BID: variants seen among roughly 807,000 people sequenced by gnomAD.
BID encodes BH3-interacting domain death agonist.
A neutral mutation model predicts 17.4 loss-of-function variants in BID; 19 were observed. That is an observed-to-expected ratio of 1.09 (90% CI 0.76 to 1.60). The LOEUF is 1.60. BID is among the 40% of genes most tolerant of loss of function. The pLI, the probability that BID is intolerant of heterozygous loss-of-function variation, is 0.00. For missense variants in BID, 226 were observed against 256.0 expected (o/e 0.88, Z 0.80); for synonymous variants, 108 against 102.8 (o/e 1.05, Z -0.31).
chr22:17,766,593 G>T (rs1225687507), intron 1 of BID, among the ~76,000 whole-genome samples: 2 of 138,438 alleles, frequency 1.4e-5, no homozygotes, highest in East Asian at 4.5e-4. Context: ...TTTTTTGTTT[G>T]TCTGTTTGTT....
intron 1 of BID, among the ~76,000 whole-genome samples, chr22:17,755,656 C>G (rs1003725280): frequency 3.1e-4 from 47 of 151,910 alleles, no homozygotes; most frequent in African/African-American, 1.1e-3. Flanking sequence ...CAAAAATTAG[C>G]CGGGTGTGGT....
In BID at chr22:17,769,042, A is replaced by AAAATAAATAAAT. The variant is rs55838099; in HGVS notation, c.-59+5327_-59+5338dup. On this transcript the variant is annotated intron_variant, in intron 1 of 5. Transcript: ENST00000622694. The surrounding 1 kb of genome is among the most constrained non-coding windows in gnomAD (Gnocchi z 4.8). Reference sequence around the variant, plus strand: ...GGGCGACAGAGTGAGACTCGTCTCAAAAATAAATAAATAAATAAATAAATA... The same window carrying AAAATAAATAAAT: ...GGGCGACAGAGTGAGACTCGTCTCAAAAATAAATAAATAAATAAATAAATAAATAAATAAATA... 1.7e-3 allele frequency among the ~76,000 whole-genome samples: 253 copies of AAAATAAATAAAT among 148,780 alleles called. 1 individual carries two copies. The highest frequency in any genetic ancestry group is 3.0e-3 in the Admixed American group (44 of 14,882).
intron 2 of BID, among the ~76,000 whole-genome samples, chr22:17,749,461 T>C (rs1292782363): frequency 6.6e-6 from 1 of 152,194 alleles, no homozygotes; most frequent in Non-Finnish European, 1.5e-5. Context: ...ATTATGTGCC[T>C]AAGCCACCTC....
intron 1 of BID, among the ~76,000 whole-genome samples, chr22:17,752,802 A>T (rs2145895467): frequency 6.6e-6 from 1 of 151,564 alleles, no homozygotes; most frequent in East Asian, 1.9e-4. Context: ...AGTAGCTGGG[A>T]CTACAGGTGC....
At chr22:17,753,263 G>A (rs900014823) in intron 1 of BID, among the ~76,000 whole-genome samples, 6 of 152,180 alleles carry the variant, frequency 3.9e-5, no homozygotes, top group African/African-American at 1.4e-4. Context: ...ACCGCGCCCA[G>A]CCCCCCAATG....
rs1378303340 is a variant in BID, at chr22:17,773,718, C to T, written c.-59+663G>A. On this transcript the variant is annotated intron_variant, in intron 1 of 5. Coordinates refer to ENST00000622694, the MANE Select transcript of BID (RefSeq NM_001196.4). The surrounding 1 kb of genome is among the most constrained non-coding windows in gnomAD (Gnocchi z 4.4). ...TATTTGTTGAATGAATGAATGAACC[C>T]TTGCCAGCCCAGCCACTTGGTGGCT... 1 of 1,600,046 alleles carries T rather than the reference C, an allele frequency of 6.2e-7. No homozygotes were observed. Among genetic ancestry groups the T allele is most frequent in the Non-Finnish European group, 8.5e-7 (1 of 1,177,592 alleles).
rs778338459 is a variant in BID at position 17,773,692 on chromosome 22, G to C, written c.-59+689C>G. 6.2e-7 allele frequency: 1 copy of C among 1,608,880 alleles called. No individual in the cohort carries two copies. The highest frequency in any genetic ancestry group is 8.5e-7 in the Non-Finnish European group (1 of 1,179,802). ...ATGACCCCAGCACCGCTGCACATTC[G>C]TATTTGTTGAATGAATGAATGAACC... On this transcript the variant is annotated intron_variant, in intron 1 of 5. Coordinates refer to ENST00000622694, the MANE Select transcript of BID (RefSeq NM_001196.4). This position sits in a 1 kb window ranked among gnomAD's most constrained non-coding sequence, Gnocchi z 4.4.
chr22:17,760,814 A>C (rs1294067564), intron 1 of BID, among the ~76,000 whole-genome samples: 4 of 152,154 alleles, frequency 2.6e-5, no homozygotes, highest in Non-Finnish European at 4.4e-5. Flanking sequence ...CAGCATGGGA[A>C]GACTCAAAGT....
intron 1 of BID, among the ~76,000 whole-genome samples, chr22:17,761,423 C>T (rs951322455): frequency 2.2e-5 from 3 of 135,888 alleles, no homozygotes; most frequent in African/African-American, 8.3e-5. Flanking sequence ...AAAGAATAAT[C>T]TTTCACTTTT....
chr22:17,770,970 C>T lies in BID; in HGVS notation c.-59+3411G>A, dbSNP rs1390278200. 3.3e-5 allele frequency among the ~76,000 whole-genome samples: 5 copies of T among 152,270 alleles called. No homozygotes were observed. The East Asian group carries it at 9.6e-4, about 29-fold the overall frequency. On this transcript the variant is annotated intron_variant, in intron 1 of 5. Coordinates refer to ENST00000622694, the MANE Select transcript of BID (RefSeq NM_001196.4). The stretch of plus-strand genomic sequence containing the variant: ...AGCCCCAGAAGACAGGTATCTCCTC[C>T]CCTGGGGCCACAGCAGCCACAGAGG...
chr22:17,772,648 C>T (rs2061729641), intron 1 of BID, among the ~76,000 whole-genome samples: 1 of 151,684 alleles, frequency 6.6e-6, no homozygotes, highest in African/African-American at 2.4e-5. Context: ...CTCCATCACC[C>T]TCATCCATCC....
chr22:17,738,101 C>T lies in BID; in HGVS notation c.492G>A (p.Pro164=), dbSNP rs369914189. The change falls in exon 5 of 6, where the codon CCG becomes CCA. Residue 164 remains proline, a synonymous_variant. Coordinates refer to ENST00000622694, the MANE Select transcript of BID (RefSeq NM_001196.4). ...TGTGAAAGACATCACGGAGCAAGGA[C>T]GGCGTGTGACTGGCCACCTTCTTGG... ...LLAKKVASHT[P]SLLRDVFHTT... 53 of 1,614,036 alleles carry T rather than the reference C, an allele frequency of 3.3e-5. No homozygotes were observed. Among genetic ancestry groups the T allele is most frequent in the African/African-American group, 2.3e-4 (17 of 74,916 alleles).
At chr22:17,764,823 T>C (rs916424572) in intron 1 of BID, among the ~76,000 whole-genome samples, 21 of 152,136 alleles carry the variant, frequency 1.4e-4, no homozygotes, top group Admixed American at 7.9e-4. Flanking sequence ...TTCAAACCCA[T>C]GGGGAATGGA....
At chr22:17,745,962 G>A (rs532694986) in intron 2 of BID, among the ~76,000 whole-genome samples, 3 of 151,970 alleles carry the variant, frequency 2.0e-5, no homozygotes, top group African/African-American at 2.4e-5. Context: ...GCCAGACTCC[G>A]TCTCAAAACA....
chr22:17,738,512 C>T (rs1283012034), intron 4 of BID, among the ~76,000 whole-genome samples: 1 of 152,158 alleles, frequency 6.6e-6, no homozygotes, highest in Non-Finnish European at 1.5e-5. Flanking sequence ...GCGCCCAAGG[C>T]ACTTCGAGTC....
intron 2 of BID, 46 bp downstream of exon 2, chr22:17,750,059 C>A (rs1047282308): frequency 5.0e-5 from 79 of 1,587,352 alleles, no homozygotes; most frequent in Non-Finnish European, 6.5e-5. Context: ...CCTTACCCCT[C>A]GACCCCGCCC....
intron 2 of BID, among the ~76,000 whole-genome samples, chr22:17,748,910 G>A (rs1488282191): frequency 1.3e-5 from 2 of 152,216 alleles, no homozygotes; most frequent in African/African-American, 4.8e-5. Context: ...GATCAGGGCC[G>A]GGGGAGCTCC....
rs765460407 is a variant in BID, at chr22:17,735,131, T to C, written c.*449A>G. ...GTAAGGGGTATGTTCCTTCTCTGAT[T>C]CTTGCTTTCCTCAAACAGGATACTG... On this transcript the variant is annotated 3_prime_UTR_variant, in exon 6 of 6. Transcript: ENST00000622694. The C allele has an allele frequency of 3.1e-5, 5 of 163,614 alleles. No individual in the cohort carries two copies. The highest frequency in any genetic ancestry group is 4.8e-5 in the African/African-American group (2 of 41,552). The allele number at this position is 163,614 out of a possible 1,614,324, so 10.1% of individuals were successfully genotyped here.
intron 1 of BID, among the ~76,000 whole-genome samples, chr22:17,752,556 C>T (rs2061547442): frequency 6.6e-6 from 1 of 152,144 alleles, no homozygotes; most frequent in South Asian, 2.1e-4. Flanking sequence ...ATACCACTAA[C>T]CCATGCTGGT....
Sources: allele counts gnomAD v4.1 joint callset (sites outside exome capture counted in the v4.1 genomes callset), GRCh38; gene constraint gnomAD v4.1.1; non-coding constraint Gnocchi (gnomAD v3.1); transcripts MANE v1.5; gene names NCBI Gene and HGNC (gene_info 2026-07-23, HGNC 2026-07-21).